Variants in NCAPD3 observed in about 807,000 individuals in gnomAD.
NCAPD3 encodes the protein non-SMC condensin II complex subunit D3.
A neutral mutation model predicts 182.9 loss-of-function variants in NCAPD3; 105 were observed. That is an observed-to-expected ratio of 0.57 (90% CI 0.49 to 0.68). The LOEUF is 0.68. Among genes scored for constraint, NCAPD3 ranks in the 30% least tolerant of loss-of-function variants. NCAPD3 has a pLI of 0.00. For synonymous variants in NCAPD3, 815 were observed against 679.9 expected (o/e 1.20, Z -3.09); for missense variants, 1,944 against 1,837.0 (o/e 1.06, Z -1.07).
chr11:134,198,461 A>G (rs544230149), intron 13 of NCAPD3, among the ~76,000 whole-genome samples: 5 of 152,252 alleles, frequency 3.3e-5, no homozygotes, highest in African/African-American at 9.6e-5. Flanking sequence ...ATGCCTCCCT[A>G]AAGTGTATAA....
chr11:134,157,186 T>C, intron 31 of NCAPD3, 91 bp from the exon 32 acceptor site: 1 of 1,016,914 alleles, frequency 9.8e-7, no homozygotes, highest in Non-Finnish European at 1.4e-6. Flanking sequence ...CTGCAAGACG[T>C]AAAGTCAAAA....
At chr11:134,172,794 T>C (rs1186032792) in intron 24 of NCAPD3, among the ~76,000 whole-genome samples, 1 of 151,558 alleles carries the variant, frequency 6.6e-6, no homozygotes, top group Non-Finnish European at 1.5e-5. Flanking sequence ...TCCCAGCACT[T>C]TGGGAGGCTG....
At chr11:134,188,205 C>T (rs1165177542) in intron 16 of NCAPD3, among the ~76,000 whole-genome samples, 1 of 152,102 alleles carries the variant, frequency 6.6e-6, no homozygotes, top group Non-Finnish European at 1.5e-5. Context: ...CACCAATTAG[C>T]ACTCTGTAAA....
chr11:134,174,412 CA>C (rs1057199027), intron 24 of NCAPD3, among the ~76,000 whole-genome samples: 2 of 98,080 alleles, frequency 2.0e-5, no homozygotes, highest in Non-Finnish European at 4.3e-5. Context: ...AAAAAGCAAA[CA>C]AAAAAAACAG....
At position 134,204,096 on chromosome 11, in the gene NCAPD3, C is replaced by A; in HGVS notation, c.1165G>T (p.Glu389Ter). 1 of 1,614,052 alleles carries A rather than the reference C, an allele frequency of 6.2e-7. No homozygotes were observed. The highest frequency in any genetic ancestry group is 8.5e-7 in the Non-Finnish European group (1 of 1,179,956). ...VQLLSKLPCGEYAMFIAWLYK... is the reference protein window; with the variant it reads ...VQLLSKLPCG ...AGCCAGGCAATGAACATAGCGTATTCCCCACAAGGAAGTTTACTGAGCAGC... is the reference window on the plus strand; with the variant it reads ...AGCCAGGCAATGAACATAGCGTATTACCCACAAGGAAGTTTACTGAGCAGC... The change falls in exon 10 of 35, where the codon GAA becomes TAA. Residue 389 changes from glutamate to a stop codon, truncating the protein, a stop_gained. Transcript: ENST00000534548. LOFTEE classifies it high-confidence loss of function. The surrounding 1 kb of genome is among the most constrained non-coding windows in gnomAD (Gnocchi z 4.3).
At chr11:134,184,841 AC>A (rs1944368756) in intron 18 of NCAPD3, 61 bp downstream of exon 18, 2 of 1,400,812 alleles carry the variant, frequency 1.4e-6, no homozygotes, top group East Asian at 4.6e-5. Flanking sequence ...ACACACACAC[AC>A]ACACACACCT....
At position 134,172,105 on chromosome 11, in the gene NCAPD3, C is replaced by T. The variant is rs188700225; in HGVS notation, c.3102-3051G>A. Among the ~76,000 whole-genome samples, 13 of 152,228 alleles carry T rather than the reference C, an allele frequency of 8.5e-5. No individual in the cohort carries two copies. The East Asian group carries it at 9.7e-4, about 11-fold the overall frequency. On this transcript the variant is annotated intron_variant, in intron 24 of 34. Transcript: ENST00000534548. ...AGCTGGAAGTGGGTCCAGTGAAGTG[C>T]GGAGAGTGTGGGCTGGCTGCTGTTA...
upstream of NCAPD3, chr11:134,225,317 C>T (rs1488877059): frequency 6.2e-7 from 1 of 1,613,870 alleles, no homozygotes; most frequent in Admixed American, 1.7e-5. Flanking sequence ...AGCACCAGGG[C>T]ATCAAGATCG....
At chr11:134,185,648 C>T in intron 16 of NCAPD3, 122 bp from the exon 17 acceptor site, 1 of 715,624 alleles carries the variant, frequency 1.4e-6, no homozygotes, top group South Asian at 2.4e-5. Flanking sequence ...GCACATGAAA[C>T]TTATATGTAG....
intron 27 of NCAPD3, among the ~76,000 whole-genome samples, chr11:134,164,853 CAT>C (rs1207669312): frequency 6.9e-6 from 1 of 144,068 alleles, no homozygotes. Flanking sequence ...TCACGTGTGA[CAT>C]GAGCTTGAGG....
chr11:134,170,930 T>C (rs568966043), intron 24 of NCAPD3, among the ~76,000 whole-genome samples: 1 of 152,320 alleles, frequency 6.6e-6, no homozygotes, highest in Non-Finnish European at 1.5e-5. Flanking sequence ...CTTGATTAGA[T>C]TAAGATGCAC....
intron 32 of NCAPD3, among the ~76,000 whole-genome samples, chr11:134,154,240 A>G (rs1943351533): frequency 6.6e-6 from 1 of 152,160 alleles, no homozygotes; most frequent in African/African-American, 2.4e-5. Context: ...TAGCAGTATC[A>G]TCCCTGCATC....
chr11:134,164,652 T>C (rs1449038807), intron 27 of NCAPD3, among the ~76,000 whole-genome samples: 2 of 149,880 alleles, frequency 1.3e-5, no homozygotes, highest in African/African-American at 2.5e-5. Context: ...GCATAATCAC[T>C]TGTGACATGA....
intron 16 of NCAPD3, among the ~76,000 whole-genome samples, chr11:134,187,220 G>A (rs1449207937): frequency 2.0e-5 from 3 of 152,194 alleles, no homozygotes; most frequent in Non-Finnish European, 4.4e-5. Flanking sequence ...GCCTCCACCA[G>A]AGGTTACTGA....
chr11:134,222,765 C>T (rs1938281629), intron 1 of NCAPD3, among the ~76,000 whole-genome samples: 1 of 152,208 alleles, frequency 6.6e-6, no homozygotes, highest in African/African-American at 2.4e-5. Context: ...AGAAAAGTGC[C>T]TCCCAGCAAG....
At chr11:134,165,495 G>A (rs1330009449) in intron 27 of NCAPD3, among the ~76,000 whole-genome samples, 1 of 143,762 alleles carries the variant, frequency 7.0e-6, no homozygotes, top group Non-Finnish European at 1.5e-5. Flanking sequence ...GCACACTTGT[G>A]AGATGAGCTT....
intron 29 of NCAPD3, among the ~76,000 whole-genome samples, chr11:134,159,234 A>C (rs1047622200): frequency 8.5e-5 from 13 of 152,170 alleles, no homozygotes; most frequent in Non-Finnish European, 1.5e-4. Flanking sequence ...TGGAACCTCT[A>C]TACTGTTCTC....
chr11:134,180,183 T>C (rs1944264073), intron 20 of NCAPD3, among the ~76,000 whole-genome samples: 1 of 152,082 alleles, frequency 6.6e-6, no homozygotes, highest in South Asian at 2.1e-4. Context: ...CAGGTTCCCA[T>C]AGTGAGGCTC....
chr11:134,185,066 T>G, intron 17 of NCAPD3, 66 bp from the exon 18 acceptor site: 1 of 1,258,784 alleles, frequency 7.9e-7, no homozygotes, highest in Non-Finnish European at 1.2e-6. Flanking sequence ...ACAAAGGCCT[T>G]TCTTCTGGAT....
Sources: allele counts gnomAD v4.1 joint callset (sites outside exome capture counted in the v4.1 genomes callset), GRCh38; gene constraint gnomAD v4.1.1; non-coding constraint Gnocchi (gnomAD v3.1); transcripts MANE v1.5; gene names NCBI Gene and HGNC (gene_info 2026-07-23, HGNC 2026-07-21).